The following NR3C1 variants were observed in gnomAD, a reference collection of about 807,000 sequenced individuals.
NR3C1 encodes the protein nuclear receptor subfamily 3 group C member 1, also known as glucocorticoid receptor.
A neutral mutation model predicts 74.0 loss-of-function variants in NR3C1; 14 were observed. That is an observed-to-expected ratio of 0.19 (90% CI 0.12 to 0.30). NR3C1 has a LOEUF of 0.30. Ranked by LOEUF, NR3C1 falls within the 10% of genes least tolerant of loss-of-function variation. The pLI is 1.00. For synonymous variants in NR3C1, 308 were observed against 332.5 expected (o/e 0.93, Z 0.80); for missense variants, 695 against 909.8 (o/e 0.76, Z 3.04).
chr5:143,314,962 T>G (rs1423415186), intron 2 of NR3C1, among the ~76,000 whole-genome samples: 5 of 152,236 alleles, frequency 3.3e-5, no homozygotes, highest in Non-Finnish European at 7.3e-5. Flanking sequence ...GTGAATCTGC[T>G]TCTCTTACTA....
At chr5:143,373,915 A>G (rs1020685257) in intron 2 of NR3C1, among the ~76,000 whole-genome samples, 1 of 152,156 alleles carries the variant, frequency 6.6e-6, no homozygotes, top group Non-Finnish European at 1.5e-5. Context: ...ATGTGTATGA[A>G]ATAAAAAAAA....
chr5:143,423,689 G>A (rs1055997260), intron 1 of NR3C1, among the ~76,000 whole-genome samples: 2 of 152,082 alleles, frequency 1.3e-5, no homozygotes, highest in African/African-American at 4.8e-5. Context: ...ATTCACAATA[G>A]CCAAGGTATG....
chr5:143,292,093 A>C lies in NR3C1; in HGVS notation c.2023+3367T>G, dbSNP rs79437254. 1.0e-3 allele frequency among the ~76,000 whole-genome samples: 155 copies of C among 152,304 alleles called. 3 individuals carry two copies. The East Asian group carries it at 0.022, about 22-fold the overall frequency. Reference sequence around the variant, plus strand: ...GACTTTTAGTGTGAGGTTTCATGCTAATCTGGCTAGGAGCTGGGCTGTATT... The same window carrying C: ...GACTTTTAGTGTGAGGTTTCATGCTCATCTGGCTAGGAGCTGGGCTGTATT... On this transcript the variant is annotated intron_variant, in intron 7 of 8. Transcript: ENST00000394464.
chr5:143,418,728 G>C (rs1751053636), intron 1 of NR3C1, among the ~76,000 whole-genome samples: 1 of 152,172 alleles, frequency 6.6e-6, no homozygotes, highest in African/African-American at 2.4e-5. Flanking sequence ...TTGGTGCTGG[G>C]TGGCAGGCAG....
At chr5:143,422,133 A>G (rs954214901) in intron 1 of NR3C1, among the ~76,000 whole-genome samples, 1 of 152,074 alleles carries the variant, frequency 6.6e-6, no homozygotes, top group African/African-American at 2.4e-5. Flanking sequence ...ATGACATCTC[A>G]CCAAGCTCTC....
At chr5:143,296,607 T>C (rs971343748) in intron 6 of NR3C1, among the ~76,000 whole-genome samples, 18 of 149,478 alleles carry the variant, frequency 1.2e-4, no homozygotes, top group African/African-American at 4.2e-4. Context: ...TCATTCTTGT[T>C]GGCTGTAAAA....
chr5:143,420,581 G>A (rs1017502184), intron 1 of NR3C1, among the ~76,000 whole-genome samples: 19 of 152,060 alleles, frequency 1.2e-4, no homozygotes, highest in Admixed American at 6.5e-4. Flanking sequence ...TTGGCCCTAG[G>A]GGATATTTGG....
upstream of NR3C1, chr5:143,404,313 T>A (rs961129665): frequency 1.0e-6 from 1 of 985,512 alleles, no homozygotes; most frequent in African/African-American, 1.7e-5. Context: ...CCGGGCGGCC[T>A]GACACGCCCT....
At position 143,279,961 on chromosome 5, in the gene NR3C1, T is replaced by C. The variant is rs1812855209; in HGVS notation, c.*1928A>G. The stretch of plus-strand genomic sequence containing the variant: ...GTAAACTAAACCTGCGCTGACAGAC[T>C]CACTGTTGGAATGAGAAGGGTGGTC... On this transcript the variant is annotated 3_prime_UTR_variant, in exon 9 of 9. Transcript: ENST00000394464. 6.5e-6 allele frequency: 1 copy of C among 152,706 alleles called. No homozygotes were observed. Among genetic ancestry groups the C allele is most frequent in the South Asian group, 2.1e-4 (1 of 4,828 alleles). 9.5% of individuals were successfully genotyped at this position (152,706 alleles called of 1,614,324 possible).
At position 143,281,137 on chromosome 5, in the gene NR3C1, T is replaced by C. The variant is rs869125609; in HGVS notation, c.*752A>G. ...ATATGAGCTTTTTTTTTTTTTTTTTTGACAAGAATACTGGAGATTTGAGTC... is the reference window on the plus strand; with the variant it reads ...ATATGAGCTTTTTTTTTTTTTTTTTCGACAAGAATACTGGAGATTTGAGTC... On this transcript the variant is annotated 3_prime_UTR_variant, in exon 9 of 9. Transcript: ENST00000394464. 26 of 149,198 alleles carry C rather than the reference T, an allele frequency of 1.7e-4. No homozygotes were observed. In the South Asian group the frequency reaches 5.5e-3, roughly 31 times the overall value. 9.2% of individuals were successfully genotyped at this position (149,198 alleles called of 1,614,324 possible). A position where few individuals can be genotyped will look rare whatever the true frequency, so the allele number is the denominator to read the frequency against.
chr5:143,397,189 T>C (rs1839384983), intron 2 of NR3C1, among the ~76,000 whole-genome samples: 2 of 151,894 alleles, frequency 1.3e-5, no homozygotes, highest in Admixed American at 6.6e-5. Context: ...TTAAGTATTC[T>C]GATAAAAACA....
chr5:143,432,022 G>T (rs900612598), intron 1 of NR3C1, among the ~76,000 whole-genome samples: 1 of 152,202 alleles, frequency 6.6e-6, no homozygotes, highest in Non-Finnish European at 1.5e-5. Flanking sequence ...CAACCTTGGT[G>T]GGGGTGGAGG....
Position 143,433,040 on chromosome 5 carries a change from T to C in NR3C1, c.-14+1492A>G, listed in dbSNP as rs531779144. On this transcript the variant is annotated intron_variant, in intron 1 of 8. Transcript: ENST00000343796. ...AGTTTCCATTTTAAAGGAGGATGTTTGGAGTCCACAATGCCTTAATGGAAA... is the reference window on the plus strand; with the variant it reads ...AGTTTCCATTTTAAAGGAGGATGTTCGGAGTCCACAATGCCTTAATGGAAA... Among the ~76,000 whole-genome samples the C allele has an allele frequency of 1.5e-3, 231 of 152,300 alleles. 1 individual carries two copies. The highest frequency in any genetic ancestry group is 2.5e-3 in the Non-Finnish European group (167 of 68,028).
intron 7 of NR3C1, among the ~76,000 whole-genome samples, chr5:143,289,442 T>A (rs977806734): frequency 6.6e-6 from 1 of 152,206 alleles, no homozygotes; most frequent in Non-Finnish European, 1.5e-5. Context: ...TACTTAAGCA[T>A]GTGAGCTGAA....
At chr5:143,304,788 T>C (rs1221275088) in intron 4 of NR3C1, among the ~76,000 whole-genome samples, 1 of 151,858 alleles carries the variant, frequency 6.6e-6, no homozygotes, top group African/African-American at 2.4e-5. Flanking sequence ...TTGATAAAAA[T>C]AAGCCATAGG....
chr5:143,364,457 G>A (rs1832849406), intron 2 of NR3C1, among the ~76,000 whole-genome samples: 1 of 152,132 alleles, frequency 6.6e-6, no homozygotes, highest in Non-Finnish European at 1.5e-5. Context: ...ACAACATCAG[G>A]AAAGGGAATT....
At chr5:143,411,425 CCATTTTTGTTGCTT>C (rs1438968204) in intron 1 of NR3C1, among the ~76,000 whole-genome samples, 1 of 152,170 alleles carries the variant, frequency 6.6e-6, no homozygotes, top group Non-Finnish European at 1.5e-5. Context: ...GTTCCAACAT[CCATTTTTGTTGCTT>C]CACTTTTATC....
chr5:143,414,996 C>A (rs778811251), intron 1 of NR3C1, among the ~76,000 whole-genome samples: 1 of 151,892 alleles, frequency 6.6e-6, no homozygotes, highest in African/African-American at 2.4e-5. Flanking sequence ...TGGGGCCATC[C>A]AAGAAAAATC....
At chr5:143,425,091 G>A (rs1174622272) in intron 1 of NR3C1, among the ~76,000 whole-genome samples, 1 of 152,128 alleles carries the variant, frequency 6.6e-6, no homozygotes, top group East Asian at 1.9e-4. Context: ...AAACCCATAT[G>A]CCTACAGTCA....
Sources: gnomAD v4.1 joint callset for allele counts (sites outside exome capture counted in the v4.1 genomes callset) on GRCh38, gnomAD v4.1.1 for gene constraint, MANE v1.5 for transcripts, NCBI Gene and HGNC (gene_info 2026-07-23, HGNC 2026-07-21) for gene names.